Variants in IL6ST observed in about 807,000 individuals in gnomAD.
IL6ST encodes interleukin-6 receptor subunit beta.
A neutral mutation model predicts 91.3 loss-of-function variants in IL6ST; 24 were observed. The observed-to-expected ratio is 0.26, with a 90% confidence interval of 0.19 to 0.37. The LOEUF (loss-of-function observed/expected upper bound fraction) is 0.37. IL6ST is among the 10% of genes least tolerant of loss of function. IL6ST has a pLI of 1.00. For synonymous variants in IL6ST, 351 were observed against 373.6 expected, an observed-to-expected ratio of 0.94 and a Z score of 0.70; for missense variants, 914 against 1,078.5, an observed-to-expected ratio of 0.85 and a Z score of 2.14.
rs1751870250 is a variant in IL6ST at position 55,954,987 on chromosome 5, G to C, written c.1273C>G (p.His425Asp). The C allele has an allele frequency of 1.9e-6, 3 of 1,587,322 alleles. No homozygotes were observed. Among genetic ancestry groups the C allele is most frequent in the Non-Finnish European group, 2.6e-6 (3 of 1,168,354 alleles). Residue 425 changes from histidine (H) to aspartate (D), a missense_variant, in exon 11 of 17, where the codon CAC becomes GAC. Transcript: ENST00000381298. ...AATGCTTTAAGATCCATTACAGGGT[G>C]AGTAGCTTTAAAACAAAGTTTGAAT... The part of the protein sequence containing the change: ...TIPACDFQAT[H>D]PVMDLKAFPK...
intron 8 of IL6ST, among the ~76,000 whole-genome samples, chr5:55,958,693 G>T (rs1291106938): frequency 6.6e-6 from 1 of 151,958 alleles, no homozygotes; most frequent in African/African-American, 2.4e-5. Flanking sequence ...ACAAAAATTT[G>T]CTGGGCATGG....
intron 3 of IL6ST, among the ~76,000 whole-genome samples, chr5:55,973,482 G>GT (rs1027069209): frequency 2.0e-5 from 3 of 152,140 alleles, no homozygotes; most frequent in African/African-American, 7.2e-5. Flanking sequence ...GCCACACATT[G>GT]TAAGAAAGCC....
chr5:55,983,556 A>G (rs1753787273), intron 1 of IL6ST, among the ~76,000 whole-genome samples: 1 of 152,254 alleles, frequency 6.6e-6, no homozygotes, highest in Admixed American at 6.5e-5. Flanking sequence ...AAATACAACA[A>G]GTAACTTCAA....
At chr5:55,966,025 T>A (rs1050756270) in intron 5 of IL6ST, among the ~76,000 whole-genome samples, 2 of 152,172 alleles carry the variant, frequency 1.3e-5, no homozygotes, top group African/African-American at 4.8e-5. Flanking sequence ...ATTAAACCTA[T>A]CTTGCTTCTC....
At chr5:55,971,695 G>A (rs1752975469) in intron 3 of IL6ST, among the ~76,000 whole-genome samples, 2 of 152,128 alleles carry the variant, frequency 1.3e-5, no homozygotes, top group Admixed American at 6.6e-5. Flanking sequence ...GGTGGCACAC[G>A]CCTGTAGTCC....
chr5:55,950,318 C>T, intron 14 of IL6ST: 1 of 393,628 alleles, frequency 2.5e-6, no homozygotes, highest in East Asian at 7.3e-5. Context: ...AGGTGGATCA[C>T]CTGAGGTCAG....
In IL6ST at chr5:55,964,139, T is replaced by C. The variant is rs1752500918; in HGVS notation, c.658+7A>G. ...AAATAAACTCTCAAATTCAGGTTTA[T>C]AACTACCTTTATATACAGGATCAAA... On this transcript the variant is annotated splice_region_variant and intron_variant, in intron 6 of 16. Coordinates refer to ENST00000381298, the MANE Select transcript of IL6ST (RefSeq NM_002184.4). The C allele has an allele frequency of 6.6e-7, 1 of 1,526,082 alleles. No homozygotes were observed. Among genetic ancestry groups the C allele is most frequent in the Non-Finnish European group, 8.9e-7 (1 of 1,124,966 alleles). 94.5% of individuals were successfully genotyped at this position (1,526,082 alleles called of 1,614,324 possible). A position where few individuals can be genotyped will look rare whatever the true frequency, so the allele number is the denominator to read the frequency against.
chr5:55,947,416 T>C (rs1751333550), intron 15 of IL6ST, 77 bp downstream of exon 15: 2 of 801,274 alleles, frequency 2.5e-6, no homozygotes, highest in African/African-American at 1.8e-5. Context: ...ACACTTAAAA[T>C]GGATAAATTT....
chr5:55,938,186 G>A lies in IL6ST; in HGVS notation c.*2896C>T, dbSNP rs961307981. The A allele has an allele frequency of 1.1e-4, 21 of 192,394 alleles. No homozygotes were observed. The highest frequency in any genetic ancestry group is 4.9e-4 in the African/African-American group (21 of 43,214). 11.9% of individuals were successfully genotyped at this position (192,394 alleles called of 1,614,324 possible). On this transcript the variant is annotated 3_prime_UTR_variant, in exon 17 of 17. Coordinates refer to ENST00000381298, the MANE Select transcript of IL6ST (RefSeq NM_002184.4). ...CTAGGGTCACTGGATGACTTCATGTGGTAAAATCCCTTATCAAGGAATAAG... is the reference window on the plus strand; with the variant it reads ...CTAGGGTCACTGGATGACTTCATGTAGTAAAATCCCTTATCAAGGAATAAG...
Position 55,968,399 on chromosome 5 carries a change from A to T in IL6ST, c.371-3T>A, listed in dbSNP as rs755271418. ...ATTTTTAGGTTTTTCTGGAGGCACT[A>T]AAAGGGATTAATTAGCATCTTTCAG... On this transcript the variant is annotated splice_region_variant and splice_polypyrimidine_tract_variant and intron_variant, in intron 4 of 16. Coordinates refer to ENST00000381298, the MANE Select transcript of IL6ST (RefSeq NM_002184.4). 3.1e-6 allele frequency: 5 copies of T among 1,611,096 alleles called. No individual in the cohort carries two copies. The highest frequency in any genetic ancestry group is 4.2e-6 in the Non-Finnish European group (5 of 1,178,678).
At chr5:55,950,152 T>C (rs1359879201) in intron 14 of IL6ST, 6 of 484,002 alleles carry the variant, frequency 1.2e-5, no homozygotes, top group Admixed American at 1.1e-4. Flanking sequence ...ATTTATGGCT[T>C]TGGCATAGAA....
chr5:55,971,335 C>T (rs1468356933), intron 3 of IL6ST, among the ~76,000 whole-genome samples: 1 of 152,112 alleles, frequency 6.6e-6, no homozygotes, highest in African/African-American at 2.4e-5. Context: ...CTTTCCAATG[C>T]TACTTTGACT....
rs1753583687 is a variant in IL6ST at position 55,980,374 on chromosome 5, AC to A, written c.-16+2349del. On this transcript the variant is annotated intron_variant, in intron 2 of 16. Coordinates refer to ENST00000381298, the MANE Select transcript of IL6ST (RefSeq NM_002184.4). The stretch of plus-strand genomic sequence containing the variant: ...AGACCAGCCTGGCCTACATGGTGAA[AC>A]CCCGTCCATACTAAAAATACAAAAA... Among the ~76,000 whole-genome samples the A allele has an allele frequency of 1.3e-5, 2 of 152,116 alleles. 1 individual carries two copies. The highest frequency in any genetic ancestry group is 4.1e-4 in the South Asian group (2 of 4,830).
intron 1 of IL6ST, among the ~76,000 whole-genome samples, chr5:55,990,335 G>A (rs1754244210): frequency 6.6e-6 from 1 of 151,814 alleles, no homozygotes; most frequent in Non-Finnish European, 1.5e-5. Flanking sequence ...TATATCACAA[G>A]TGTTTCTGAA....
At chr5:55,982,848 T>A (rs1753742139) in intron 1 of IL6ST, 37 bp from the exon 2 acceptor site, 1 of 397,934 alleles carries the variant, frequency 2.5e-6, no homozygotes, top group Non-Finnish European at 4.4e-6. Context: ...GAAGGCTGGC[T>A]TTGATAATTT....
intron 2 of IL6ST, among the ~76,000 whole-genome samples, chr5:55,980,802 G>A (rs1237943180): frequency 6.6e-6 from 1 of 152,052 alleles, no homozygotes; most frequent in Non-Finnish European, 1.5e-5. Flanking sequence ...TTCTGCACTT[G>A]GAACACAATA....
intron 13 of IL6ST, 84 bp downstream of exon 13, chr5:55,951,845 G>A (rs1751652132): frequency 2.3e-6 from 2 of 882,922 alleles, no homozygotes; most frequent in African/African-American, 3.4e-5. Flanking sequence ...ACTATAAGAT[G>A]TATAAGAAGA....
chr5:55,948,629 T>C (rs1476704865), intron 14 of IL6ST, among the ~76,000 whole-genome samples: 1 of 152,200 alleles, frequency 6.6e-6, no homozygotes, highest in South Asian at 2.1e-4. Flanking sequence ...GGTATGTATG[T>C]GTGTATATAT....
intron 15 of IL6ST, 44 bp from the exon 16 acceptor site, chr5:55,942,795 A>C (rs1315053975): frequency 9.7e-7 from 1 of 1,034,656 alleles, no homozygotes; most frequent in Non-Finnish European, 1.5e-6. Context: ...CACACATAAT[A>C]AACAATAAAT....
Sources: gnomAD v4.1 joint callset for allele counts (sites outside exome capture counted in the v4.1 genomes callset) on GRCh38, gnomAD v4.1.1 for gene constraint, MANE v1.5 for transcripts, NCBI Gene and HGNC (gene_info 2026-07-23, HGNC 2026-07-21) for gene names.